The following CYTIP variants were observed in gnomAD, a reference collection of about 807,000 sequenced individuals.
CYTIP encodes cytohesin 1 interacting protein, also known as cytohesin-interacting protein.
Under a neutral mutation model 43.8 loss-of-function variants are expected in CYTIP, and 26 were observed. The observed-to-expected ratio is 0.59, with a 90% CI of 0.44 to 0.82. The LOEUF (loss-of-function observed/expected upper bound fraction) is 0.82. Among genes scored for constraint, CYTIP ranks in the 40% least tolerant of loss-of-function variants. The pLI is 0.00. For synonymous variants in CYTIP, 162 were observed against 162.9 expected (o/e 0.99, Z 0.04); for missense variants, 426 against 443.1 (o/e 0.96, Z 0.35).
intron 1 of CYTIP, among the ~76,000 whole-genome samples, chr2:157,435,843 G>T (rs947253562): frequency 6.6e-6 from 1 of 152,108 alleles, no homozygotes; most frequent in Non-Finnish European, 1.5e-5. Context: ...ACTAGAAGGG[G>T]GAAAATATGT....
At chr2:157,443,759 A>G in intron 1 of CYTIP, 88 bp downstream of exon 1, 1 of 1,366,396 alleles carries the variant, frequency 7.3e-7, no homozygotes, top group Non-Finnish European at 1.0e-6. Context: ...CCTCTAAAAT[A>G]TCACCATTAG....
intron 6 of CYTIP, among the ~76,000 whole-genome samples, chr2:157,422,544 C>T (rs1248841000): frequency 1.3e-5 from 2 of 151,744 alleles, no homozygotes; most frequent in East Asian, 1.9e-4. Flanking sequence ...GTGGCAGGTG[C>T]CTGTAATCCC....
In CYTIP at chr2:157,415,854, C is replaced by G. The variant is rs1341505439; in HGVS notation, c.903G>C (p.Arg301Ser). The change falls in exon 8 of 8, where the codon AGG (arginine) becomes AGC (serine). Residue 301 changes from arginine (R) to serine (S), a missense_variant. Coordinates refer to ENST00000264192, the MANE Select transcript of CYTIP (RefSeq NM_004288.5). ...DDFLRRSSSRRNRSISNTSSG... is the reference protein window; with the variant it reads ...DDFLRRSSSRSNRSISNTSSG... ...TGCTGGTGTTACTGATGCTCCGGTT[C>G]CTCCTTGAAGATGACCTCCTCAGAA... 6.2e-7 allele frequency: 1 copy of G among 1,614,212 alleles called. No individual in the cohort carries two copies. Among genetic ancestry groups the G allele is most frequent in the South Asian group, 1.1e-5 (1 of 91,084 alleles).
chr2:157,433,192 G>A (rs1384614231), intron 3 of CYTIP, among the ~76,000 whole-genome samples: 1 of 152,212 alleles, frequency 6.6e-6, no homozygotes. Flanking sequence ...ACAAAAAGCA[G>A]TGTCTCTACA....
At chr2:157,431,120 A>G (rs1439374999) in intron 3 of CYTIP, among the ~76,000 whole-genome samples, 158 bp from the exon 4 acceptor site, 1 of 152,248 alleles carries the variant, frequency 6.6e-6, no homozygotes, top group African/African-American at 2.4e-5. Flanking sequence ...CAATTTTGCA[A>G]TTCTACCAGA....
At chr2:157,434,195 T>G in intron 3 of CYTIP, 175 bp downstream of exon 3, 3 of 648,384 alleles carry the variant, frequency 4.6e-6, no homozygotes, top group Non-Finnish European at 8.3e-6. Flanking sequence ...CAATGTTTTC[T>G]TTCCTTAATA....
intron 7 of CYTIP, 79 bp downstream of exon 7, chr2:157,418,444 T>C: frequency 2.1e-6 from 3 of 1,432,272 alleles, no homozygotes; most frequent in Non-Finnish European, 1.9e-6. Flanking sequence ...ATAATGATGA[T>C]AATCTTAAAC....
chr2:157,439,784 T>C (rs969616273), intron 1 of CYTIP, among the ~76,000 whole-genome samples: 1 of 152,236 alleles, frequency 6.6e-6, no homozygotes, highest in South Asian at 2.1e-4. Context: ...CACTGATACC[T>C]AGGGTTGGGC....
intron 1 of CYTIP, among the ~76,000 whole-genome samples, chr2:157,440,079 T>C (rs528751271): frequency 1.3e-5 from 2 of 152,260 alleles, no homozygotes; most frequent in South Asian, 2.1e-4. Flanking sequence ...CCTGAAAGTG[T>C]TGGGGAGGGT....
chr2:157,432,413 C>T (rs1381112479), intron 3 of CYTIP, among the ~76,000 whole-genome samples: 1 of 152,220 alleles, frequency 6.6e-6, no homozygotes, highest in Non-Finnish European at 1.5e-5. Flanking sequence ...TGATCACCTG[C>T]ATTTCTTAGA....
Position 157,444,080 on chromosome 2 carries a change from CTAAAAG to C in CYTIP, c.-66_-61del. 16 of 1,537,474 alleles carry C rather than the reference CTAAAAG, an allele frequency of 1.0e-5. No homozygotes were observed. Among genetic ancestry groups the C allele is most frequent in the Non-Finnish European group, 1.4e-5 (16 of 1,122,744 alleles). On this transcript the variant is annotated 5_prime_UTR_variant, in exon 1 of 8. Transcript: ENST00000264192. ...GAGTGGCCTTGCAGGATGGGGGAAG[CTAAAAG>C]TACAACTGTGACAAGTAATCAAAAG...
chr2:157,425,513 T>C (rs1384064450), intron 6 of CYTIP, among the ~76,000 whole-genome samples: 1 of 152,154 alleles, frequency 6.6e-6, no homozygotes, highest in Non-Finnish European at 1.5e-5. Flanking sequence ...AAACATTGTA[T>C]GGTGCTCATG....
At chr2:157,437,006 T>C (rs1415906546) in intron 1 of CYTIP, among the ~76,000 whole-genome samples, 1 of 152,116 alleles carries the variant, frequency 6.6e-6, no homozygotes, top group Non-Finnish European at 1.5e-5. Context: ...TGTATATCCA[T>C]ATGCAGAAGA....
chr2:157,434,562 G>A lies in CYTIP; in HGVS notation c.224+136C>T, dbSNP rs1237537969. 8.2e-6 allele frequency: 7 copies of A among 850,148 alleles called. No homozygotes were observed. The Admixed American group carries it at 1.4e-4, about 17-fold the overall frequency. 52.7% of individuals were successfully genotyped at this position (850,148 alleles called of 1,614,324 possible). A position where few individuals can be genotyped will look rare whatever the true frequency, so the allele number is the denominator to read the frequency against. ...AATTGTAGTATGTAAGATTCTGTGT[G>A]TGTGTCTGTGTGTGTGCGTCTGTGT... is the stretch of plus-strand genomic sequence containing the variant. On this transcript the variant is annotated intron_variant, in intron 2 of 7. Coordinates refer to ENST00000264192, the MANE Select transcript of CYTIP (RefSeq NM_004288.5).
chr2:157,439,862 T>G (rs1400981839), intron 1 of CYTIP, among the ~76,000 whole-genome samples: 2 of 152,218 alleles, frequency 1.3e-5, no homozygotes, highest in African/African-American at 2.4e-5. Flanking sequence ...AAAATTTAAT[T>G]TCTTCTGCTC....
intron 1 of CYTIP, among the ~76,000 whole-genome samples, chr2:157,436,583 C>CTA (rs200484968): frequency 0.015 from 2,199 of 151,458 alleles, 47 homozygotes; most frequent in African/African-American, 0.05. Context: ...ATAGAGAGAG[C>CTA]TATATATATA....
chr2:157,425,220 C>T (rs1193111445), intron 6 of CYTIP, among the ~76,000 whole-genome samples: 3 of 152,014 alleles, frequency 2.0e-5, no homozygotes, highest in Non-Finnish European at 4.4e-5. Flanking sequence ...AATTCAATTA[C>T]CTATCAAAAC....
intron 1 of CYTIP, 151 bp from the exon 2 acceptor site, chr2:157,434,898 CAA>C (rs1685788515): frequency 1.3e-5 from 5 of 388,080 alleles, no homozygotes; most frequent in South Asian, 3.8e-5. Context: ...CACACACACA[CAA>C]CCTGTTCTTT....
intron 7 of CYTIP, 98 bp downstream of exon 7, chr2:157,418,425 A>T (rs1483948885): frequency 4.7e-6 from 6 of 1,277,798 alleles, no homozygotes; most frequent in Non-Finnish European, 6.6e-6. Flanking sequence ...CACTAGACAA[A>T]TTTTTCTTAT....
Sources: allele counts gnomAD v4.1 joint callset (sites outside exome capture counted in the v4.1 genomes callset), GRCh38; gene constraint gnomAD v4.1.1; transcripts MANE v1.5; gene names NCBI Gene and HGNC (gene_info 2026-07-23, HGNC 2026-07-21).